SNX27: variants seen among roughly 807,000 people sequenced by gnomAD.
The protein encoded by SNX27 is sorting nexin 27.
A neutral mutation model predicts 71.6 loss-of-function variants in SNX27; 22 were observed. The observed-to-expected ratio is 0.31, with a 90% CI of 0.22 to 0.44. The LOEUF is 0.44. SNX27 is among the 20% of genes least tolerant of loss of function. The pLI, the probability that SNX27 is intolerant of heterozygous loss-of-function variation, is 1.00. For synonymous variants in SNX27, 269 were observed against 277.2 expected, an observed-to-expected ratio of 0.97 and a Z score of 0.29; for missense variants, 531 against 698.6, an observed-to-expected ratio of 0.76 and a Z score of 2.70.
intron 1 of SNX27, among the ~76,000 whole-genome samples, chr1:151,622,770 A>G (rs1228429594): frequency 2.6e-5 from 4 of 152,134 alleles, no homozygotes; most frequent in African/African-American, 7.2e-5. Flanking sequence ...GAAAATCATC[A>G]TGGCTATTAG....
chr1:151,625,784 CAAA>C (rs773796738), intron 1 of SNX27, among the ~76,000 whole-genome samples: 7 of 83,220 alleles, frequency 8.4e-5, no homozygotes, highest in African/African-American at 8.9e-5. Context: ...ACTCTGTGTC[CAAA>C]AAAAAAAAAA....
intron 7 of SNX27, among the ~76,000 whole-genome samples, chr1:151,670,999 A>C (rs1460518601): frequency 6.6e-6 from 1 of 152,170 alleles, no homozygotes; most frequent in East Asian, 1.9e-4. Flanking sequence ...ATTCTTTTGC[A>C]CATGGATATC....
In SNX27 at chr1:151,612,206, C is replaced by G; in HGVS notation, c.5C>G (p.Ala2Gly). Reference sequence around the variant, plus strand: ...TACGGCTCGCCTGCTCGCAAGATGGCGGACGAGGACGGGGAAGGGATTCAT... The same window carrying G: ...TACGGCTCGCCTGCTCGCAAGATGGGGGACGAGGACGGGGAAGGGATTCAT... The part of the protein sequence containing the change: M[A>G]DEDGEGIHPS... The change falls in exon 1 of 12, where the codon GCG becomes GGG. Residue 2 changes from alanine (A) to glycine (G), a missense_variant. This residue lies in a region of SNX27 where 130 missense variants were observed against 143.5 expected (regional missense o/e 0.91). Coordinates refer to ENST00000458013, the MANE Select transcript of SNX27 (RefSeq NM_001330723.2). The surrounding 1 kb of genome is among the most constrained non-coding windows in gnomAD (Gnocchi z 5.2). 1 of 1,345,656 alleles carries G rather than the reference C, an allele frequency of 7.4e-7. No individual in the cohort carries two copies. Among genetic ancestry groups the G allele is most frequent in the South Asian group, 1.8e-5 (1 of 55,970 alleles). 83.4% of individuals were successfully genotyped at this position (1,345,656 alleles called of 1,614,324 possible).
At position 151,695,500 on chromosome 1, in the gene SNX27, T is replaced by TA. The variant is rs1671663453; in HGVS notation, c.*1084dup. ...TGGTGGCATGAACATAGCTCACTGT[T>TA]ACCTTGAATTCTGGGCTCAGGTGAT... On this transcript the variant is annotated 3_prime_UTR_variant, in exon 12 of 12. Coordinates refer to ENST00000458013, the MANE Select transcript of SNX27 (RefSeq NM_001330723.2). 6.6e-6 allele frequency: 1 copy of TA among 150,384 alleles called. No homozygotes were observed. Among genetic ancestry groups the TA allele is most frequent in the African/African-American group, 2.4e-5 (1 of 40,842 alleles). 9.3% of individuals were successfully genotyped at this position (150,384 alleles called of 1,614,324 possible).
chr1:151,668,351 A>T, intron 6 of SNX27, 121 bp from the exon 7 acceptor site: 1 of 903,194 alleles, frequency 1.1e-6, no homozygotes, highest in Non-Finnish European at 1.6e-6. Context: ...TCCTTGGTGG[A>T]TTTGAGATGA....
intron 11 of SNX27, 24 bp from the exon 12 acceptor site, chr1:151,694,346 A>G (rs1221217941): frequency 6.5e-7 from 1 of 1,549,440 alleles, no homozygotes; most frequent in Non-Finnish European, 8.7e-7. Flanking sequence ...CCTTCCCAAT[A>G]ACTCTTTTTT....
intron 7 of SNX27, among the ~76,000 whole-genome samples, chr1:151,669,790 G>A (rs934021232): frequency 1.3e-5 from 2 of 151,704 alleles, no homozygotes. Context: ...TATATTTTGG[G>A]GTACATGAGA....
intron 2 of SNX27, among the ~76,000 whole-genome samples, chr1:151,653,836 G>T (rs868732161): frequency 1.2e-3 from 156 of 129,692 alleles, no homozygotes; most frequent in East Asian, 2.7e-3. Context: ...AGTTTTTTTT[G>T]TTTTTTTTTT....
rs1667238280 is a variant in SNX27 at position 151,612,719 on chromosome 1, C to T, written c.311+207C>T. Among the ~76,000 whole-genome samples the T allele has an allele frequency of 6.6e-6, 1 of 152,120 alleles. No individual in the cohort carries two copies. Among genetic ancestry groups the T allele is most frequent in the African/African-American group, 2.4e-5 (1 of 41,432 alleles). ...CCGGGGCTTCTGCGACGCCGGTCTC[C>T]CACCCCGTCGTCTCCAGCTGATGCC... On this transcript the variant is annotated intron_variant, in intron 1 of 11. Transcript: ENST00000458013. This position sits in a 1 kb window ranked among gnomAD's most constrained non-coding sequence, Gnocchi z 5.2.
In SNX27 at chr1:151,696,520, T is replaced by C. The variant is rs1671734086; in HGVS notation, c.*2103T>C. ...TTCTTTCTTTCGTTCTTTCGTTCTT[T>C]CGTTCTTTCTTTCTTTCTTTCTTTC... On this transcript the variant is annotated 3_prime_UTR_variant, in exon 12 of 12. Coordinates refer to ENST00000458013, the MANE Select transcript of SNX27 (RefSeq NM_001330723.2). The C allele has an allele frequency of 7.3e-6, 1 of 136,556 alleles. No individual in the cohort carries two copies. The allele number at this position is 136,556 out of a possible 1,614,324, so 8.5% of individuals were successfully genotyped here. A position where few individuals can be genotyped will look rare whatever the true frequency, so the allele number is the denominator to read the frequency against.
chr1:151,619,158 T>A (rs112011356), intron 1 of SNX27, among the ~76,000 whole-genome samples: 3,515 of 151,976 alleles, frequency 0.023, 129 homozygotes, highest in African/African-American at 0.079. Flanking sequence ...CTGGGCAACA[T>A]GGTGAAACCT....
At chr1:151,654,481 C>T (rs151285348) in intron 2 of SNX27, among the ~76,000 whole-genome samples, 75 of 152,140 alleles carry the variant, frequency 4.9e-4, no homozygotes, top group Admixed American at 1.9e-3. Context: ...AATATGGTTT[C>T]CTGCCTCTCC....
Position 151,647,149 on chromosome 1 carries a change from T to A in SNX27, c.543+8030T>A, listed in dbSNP as rs997650932. Among the ~76,000 whole-genome samples the A allele has an allele frequency of 4.7e-5, 7 of 148,892 alleles. No individual in the cohort carries two copies. In the South Asian group the frequency reaches 8.5e-4, roughly 18 times the overall value. ...CTCTATTACTTTTTTTTTTTTTTTTTAATTTGTTTTTTGTTTTTGAGCTGG... is the reference window on the plus strand; with the variant it reads ...CTCTATTACTTTTTTTTTTTTTTTTAAATTTGTTTTTTGTTTTTGAGCTGG... On this transcript the variant is annotated intron_variant, in intron 2 of 11. Coordinates refer to ENST00000458013, the MANE Select transcript of SNX27 (RefSeq NM_001330723.2).
intron 1 of SNX27, among the ~76,000 whole-genome samples, chr1:151,622,859 G>A (rs556811789): frequency 6.6e-6 from 1 of 152,234 alleles, no homozygotes; most frequent in African/African-American, 2.4e-5. Context: ...TGCGATCACA[G>A]CTTACTGAAG....
intron 1 of SNX27, among the ~76,000 whole-genome samples, chr1:151,626,827 A>C (rs1372235269): frequency 1.3e-5 from 2 of 152,224 alleles, no homozygotes; most frequent in African/African-American, 4.8e-5. Context: ...GCAGTTGCTA[A>C]GGCTGGTCAG....
intron 2 of SNX27, among the ~76,000 whole-genome samples, chr1:151,644,406 T>G (rs1317834145): frequency 6.6e-6 from 1 of 152,224 alleles, no homozygotes; most frequent in Non-Finnish European, 1.5e-5. Context: ...TGTAACTGGC[T>G]TCTTTCACTC....
intron 1 of SNX27, among the ~76,000 whole-genome samples, chr1:151,624,128 CATTTTTAAAA>C (rs1667807644): frequency 6.6e-6 from 1 of 151,752 alleles, no homozygotes; most frequent in Non-Finnish European, 1.5e-5. Flanking sequence ...ATACACAGCT[CATTTTTAAAA>C]ATTTTTTTGT....
At chr1:151,660,942 A>G (rs1186752681) in intron 4 of SNX27, 80 bp downstream of exon 4, 6 of 1,074,564 alleles carry the variant, frequency 5.6e-6, no homozygotes, top group Non-Finnish European at 8.7e-6. Context: ...TTGATTATGC[A>G]TTAAATTTCC....
At chr1:151,641,800 A>G (rs552912686) in intron 2 of SNX27, among the ~76,000 whole-genome samples, 1 of 142,490 alleles carries the variant, frequency 7.0e-6, no homozygotes, top group African/African-American at 2.6e-5. Flanking sequence ...GATATATAAG[A>G]TATAGATATA....
Sources: allele counts gnomAD v4.1 joint callset (sites outside exome capture counted in the v4.1 genomes callset), GRCh38; gene constraint gnomAD v4.1.1; regional missense constraint gnomAD v4.1.1; non-coding constraint Gnocchi (gnomAD v3.1); transcripts MANE v1.5; gene names NCBI Gene and HGNC (gene_info 2026-07-23, HGNC 2026-07-21).